Variants in COL19A1 observed in about 807,000 individuals in gnomAD.
The protein encoded by COL19A1 is collagen alpha-1(XIX) chain.
COL19A1 carries 159 observed loss-of-function variants against 190.2 expected under a neutral mutation model. That is an observed-to-expected ratio of 0.84 (90% confidence interval 0.73 to 0.95). COL19A1 has a LOEUF of 0.95. COL19A1 is among the 40% of genes least tolerant of loss of function. The pLI, the probability that COL19A1 is intolerant of heterozygous loss-of-function variation, is 0.00. For synonymous variants in COL19A1, 509 were observed against 458.9 expected (o/e 1.11, Z -1.39); for missense variants, 1,418 against 1,431.9 (o/e 0.99, Z 0.16).
intron 4 of COL19A1, among the ~76,000 whole-genome samples, chr6:69,923,609 A>G (rs1452481455): frequency 2.6e-5 from 4 of 152,194 alleles, no homozygotes; most frequent in African/African-American, 9.6e-5. Context: ...AGCTGATCAA[A>G]AAAATTTTTA....
intron 17 of COL19A1, among the ~76,000 whole-genome samples, chr6:70,129,590 C>G (rs1785400687): frequency 6.6e-6 from 1 of 152,210 alleles, no homozygotes; most frequent in Admixed American, 6.5e-5. Context: ...GTCGCTCATG[C>G]CTGCAATCCC....
chr6:69,921,820 G>A (rs1033850350), intron 4 of COL19A1, among the ~76,000 whole-genome samples: 1 of 150,282 alleles, frequency 6.7e-6, no homozygotes, highest in Admixed American at 6.7e-5. Flanking sequence ...ATGTAGATTC[G>A]TATATATATT....
At position 70,207,383 on chromosome 6, in the gene COL19A1, TTTTTG is replaced by T; in HGVS notation, c.*110_*114del. On this transcript the variant is annotated 3_prime_UTR_variant, in exon 51 of 51. Coordinates refer to ENST00000620364, the MANE Select transcript of COL19A1 (RefSeq NM_001858.6). ...GGGTTGCTTTTTTTTTTTTTTTTTT[TTTTTG>T]GGAGTAAGCCAGGCATTAAAAGCAA... The T allele has an allele frequency of 8.8e-7, 1 of 1,139,732 alleles. No individual in the cohort carries two copies. Among genetic ancestry groups the T allele is most frequent in the Non-Finnish European group, 1.2e-6 (1 of 858,766 alleles). 70.6% of individuals were successfully genotyped at this position (1,139,732 alleles called of 1,614,324 possible). A position where few individuals can be genotyped will look rare whatever the true frequency, so the allele number is the denominator to read the frequency against.
chr6:70,059,373 T>A (rs1780690427), intron 14 of COL19A1, among the ~76,000 whole-genome samples: 1 of 152,166 alleles, frequency 6.6e-6, no homozygotes, highest in Non-Finnish European at 1.5e-5. Context: ...GAAAATGTGT[T>A]CAAACGTAAT....
At chr6:69,928,564 A>G (rs1772543997) in intron 5 of COL19A1, among the ~76,000 whole-genome samples, 1 of 152,192 alleles carries the variant, frequency 6.6e-6, no homozygotes, top group Non-Finnish European at 1.5e-5. Context: ...GCGTAAGGAG[A>G]TGACATCTAG....
intron 15 of COL19A1, among the ~76,000 whole-genome samples, chr6:70,093,872 G>A (rs1223904781): frequency 6.6e-6 from 1 of 152,048 alleles, no homozygotes; most frequent in African/African-American, 2.4e-5. Context: ...ATCTAAGGGG[G>A]GATAAAAGGA....
At chr6:70,135,745 G>A (rs72916752) in intron 18 of COL19A1, among the ~76,000 whole-genome samples, 21,978 of 152,170 alleles carry the variant, frequency 0.14, 1,673 homozygotes, top group Middle Eastern at 0.16. Flanking sequence ...ACGGGATTTA[G>A]GGATGTTAGT....
intron 34 of COL19A1, among the ~76,000 whole-genome samples, chr6:70,157,782 A>G (rs559614404): frequency 4.6e-5 from 7 of 152,306 alleles, no homozygotes; most frequent in African/African-American, 1.7e-4. Flanking sequence ...ACTGATTTTC[A>G]TAGTCCAACA....
In COL19A1 at chr6:70,096,990, G is replaced by A. The variant is rs190052239; in HGVS notation, c.1225-5179G>A. 2.0e-3 allele frequency among the ~76,000 whole-genome samples: 300 copies of A among 152,198 alleles called. 2 individuals are homozygous for A. The highest frequency in any genetic ancestry group is 7.0e-3 in the African/African-American group (289 of 41,522). ...TACTTAAATACATGTTTCATTTGTG[G>A]GTTTGGGGTCTGCATATCATCCTTT... On this transcript the variant is annotated intron_variant, in intron 15 of 50. Transcript: ENST00000620364.
At chr6:69,884,429 A>G (rs772752598) in intron 2 of COL19A1, among the ~76,000 whole-genome samples, 4 of 152,206 alleles carry the variant, frequency 2.6e-5, no homozygotes, top group Non-Finnish European at 4.4e-5. Context: ...GCCTAGCAAT[A>G]CAATAGGAGG....
At chr6:70,081,102 G>A (rs987774194) in intron 15 of COL19A1, among the ~76,000 whole-genome samples, 2 of 152,166 alleles carry the variant, frequency 1.3e-5, no homozygotes, top group East Asian at 1.9e-4. Flanking sequence ...TGACCTGAGT[G>A]CGTCTAATAT....
At chr6:69,877,437 C>T (rs1290584276) in intron 1 of COL19A1, among the ~76,000 whole-genome samples, 5 of 152,216 alleles carry the variant, frequency 3.3e-5, no homozygotes, top group African/African-American at 9.6e-5. Context: ...ATGTCAATGG[C>T]AGGCTCAGGT....
intron 4 of COL19A1, among the ~76,000 whole-genome samples, chr6:69,924,879 GTCT>G (rs1165692473): frequency 6.6e-6 from 1 of 152,180 alleles, no homozygotes; most frequent in Admixed American, 6.5e-5. Flanking sequence ...CCGCATAAAT[GTCT>G]TCTTTTGAGA....
intron 34 of COL19A1, among the ~76,000 whole-genome samples, chr6:70,159,174 C>T (rs79643643): frequency 1.5e-3 from 230 of 150,752 alleles, no homozygotes; most frequent in African/African-American, 5.3e-3. Context: ...TACATATATA[C>T]GTATATTTTA....
At chr6:69,902,630 T>G (rs1412060580) in intron 4 of COL19A1, among the ~76,000 whole-genome samples, 2 of 152,162 alleles carry the variant, frequency 1.3e-5, no homozygotes, top group Admixed American at 6.5e-5. Flanking sequence ...GTATCACACC[T>G]TATCAGTTGC....
At chr6:69,906,043 T>C (rs572088457) in intron 4 of COL19A1, among the ~76,000 whole-genome samples, 2 of 152,332 alleles carry the variant, frequency 1.3e-5, no homozygotes, top group East Asian at 1.9e-4. Context: ...AATTGTGTTT[T>C]GGCAGTTATC....
At chr6:69,964,594 A>G (rs1444874002) in intron 11 of COL19A1, among the ~76,000 whole-genome samples, 1 of 152,204 alleles carries the variant, frequency 6.6e-6, no homozygotes, top group Admixed American at 6.5e-5. Context: ...GTTATAAGGC[A>G]TTAGAAAACC....
chr6:70,042,100 G>T (rs1779662993), intron 14 of COL19A1, among the ~76,000 whole-genome samples: 1 of 152,050 alleles, frequency 6.6e-6, no homozygotes, highest in Admixed American at 6.6e-5. Context: ...TTATCTTGAA[G>T]CCAAAATTCA....
chr6:70,138,502 G>A (rs60102359), intron 19 of COL19A1, among the ~76,000 whole-genome samples: 4,538 of 152,150 alleles, frequency 0.03, 236 homozygotes, highest in African/African-American at 0.1. Flanking sequence ...TTTCATCTTT[G>A]TTTAAAGAAA....
Sources: allele counts gnomAD v4.1 joint callset (sites outside exome capture counted in the v4.1 genomes callset), GRCh38; gene constraint gnomAD v4.1.1; transcripts MANE v1.5; gene names NCBI Gene and HGNC (gene_info 2026-07-23, HGNC 2026-07-21).